The following SLC44A5 variants were observed in gnomAD, a reference collection of about 807,000 sequenced individuals.
SLC44A5 encodes solute carrier family 44 member 5, also known as choline transporter-like protein 5.
Under a neutral mutation model 101.8 loss-of-function variants are expected in SLC44A5, and 57 were observed. The ratio of observed to expected loss-of-function variants is 0.56; its 90% CI spans 0.45 to 0.70. The LOEUF (loss-of-function observed/expected upper bound fraction) is 0.70. Ranked by LOEUF, SLC44A5 falls within the 30% of genes least tolerant of loss-of-function variation. The pLI, the probability that SLC44A5 is intolerant of heterozygous loss-of-function variation, is 0.00. For missense variants in SLC44A5, 737 were observed against 853.1 expected (o/e 0.86, Z 1.70); for synonymous variants, 281 against 290.9 (o/e 0.97, Z 0.35).
chr1:75,678,800 G>A, the SLC44A5 span, among the ~76,000 whole-genome samples: 7 of 152,214 alleles, frequency 4.6e-5, no homozygotes, highest in South Asian at 8.3e-4. Context: ...GGCTTCAGAC[G>A]ATCAAATTAC....
the SLC44A5 span, among the ~76,000 whole-genome samples, chr1:75,683,332 A>C: frequency 3.0e-4 from 46 of 152,330 alleles, no homozygotes; most frequent in East Asian, 5.8e-3. Flanking sequence ...CATTATTCAC[A>C]ATAGCAAAGA....
intron 3 of SLC44A5, among the ~76,000 whole-genome samples, chr1:75,393,076 C>T (rs1177530539): frequency 1.3e-5 from 2 of 152,118 alleles, no homozygotes; most frequent in Admixed American, 1.3e-4. Context: ...GTGACAGATT[C>T]TACCTCAATA....
intron 2 of SLC44A5, among the ~76,000 whole-genome samples, chr1:75,406,578 A>T (rs1268064197): frequency 6.6e-6 from 1 of 152,188 alleles, no homozygotes; most frequent in African/African-American, 2.4e-5. Context: ...AATAAACATA[A>T]ACCATCACAT....
intron 1 of SLC44A5, among the ~76,000 whole-genome samples, chr1:75,566,185 A>G (rs1457446567): frequency 6.6e-6 from 1 of 152,220 alleles, no homozygotes; most frequent in Admixed American, 6.5e-5. Context: ...AGCACAACTC[A>G]TATAAAATTA....
chr1:75,553,167 T>C (rs1672033966), intron 1 of SLC44A5, among the ~76,000 whole-genome samples: 1 of 152,178 alleles, frequency 6.6e-6, no homozygotes, highest in Admixed American at 6.5e-5. Context: ...AATACAATTA[T>C]GTATATTTTC....
intron 7 of SLC44A5, among the ~76,000 whole-genome samples, chr1:75,249,961 T>C (rs982071791): frequency 6.6e-6 from 1 of 152,190 alleles, no homozygotes; most frequent in African/African-American, 2.4e-5. Context: ...GGGTGTGACC[T>C]ATCTTTTTTG....
intron 11 of SLC44A5, among the ~76,000 whole-genome samples, chr1:75,234,662 T>C (rs611309): frequency 0.28 from 42,874 of 151,900 alleles, 6,364 homozygotes; most frequent in Middle Eastern, 0.36. Flanking sequence ...TGATGCCTTA[T>C]GTCATCCAGA....
rs1464067156 is a variant in SLC44A5 at position 75,203,288 on chromosome 1, A to G, written c.*439T>C. The G allele has an allele frequency of 2.6e-5, 4 of 152,468 alleles. No individual in the cohort carries two copies. Among genetic ancestry groups the G allele is most frequent in the African/African-American group, 9.6e-5 (4 of 41,456 alleles). The allele number at this position is 152,468 out of a possible 1,614,324, so 9.4% of individuals were successfully genotyped here. A position where few individuals can be genotyped will look rare whatever the true frequency, so the allele number is the denominator to read the frequency against. On this transcript the variant is annotated 3_prime_UTR_variant, in exon 24 of 24. Coordinates refer to ENST00000370859, the MANE Select transcript of SLC44A5 (RefSeq NM_001130058.2). ...CCTTTCACTGATTTACTGTCCAACG[A>G]GAGTGGGAAAAACTTTAAAATTTTT...
At chr1:75,213,605 G>A (rs1646901791) in intron 22 of SLC44A5, 100 bp downstream of exon 22, 3 of 886,566 alleles carry the variant, frequency 3.4e-6, no homozygotes, top group Non-Finnish European at 5.4e-6. Flanking sequence ...GGACTTCCCA[G>A]CCTTCAGAAC....
chr1:75,475,263 A>G (rs1667319727), intron 2 of SLC44A5, among the ~76,000 whole-genome samples: 1 of 152,234 alleles, frequency 6.6e-6, no homozygotes, highest in Non-Finnish European at 1.5e-5. Flanking sequence ...GAAACCTTGT[A>G]AAAGACAAAT....
chr1:75,678,278 C>A, the SLC44A5 span, among the ~76,000 whole-genome samples: 3 of 152,178 alleles, frequency 2.0e-5, no homozygotes, highest in Non-Finnish European at 4.4e-5. Context: ...AGGAGGCCTG[C>A]CTGCCTCTGT....
intron 2 of SLC44A5, among the ~76,000 whole-genome samples, chr1:75,517,396 A>T (rs1361759523): frequency 6.6e-6 from 1 of 152,094 alleles, no homozygotes; most frequent in African/African-American, 2.4e-5. Flanking sequence ...CACTGAATTT[A>T]AAAAAAGACC....
the SLC44A5 span, chr1:75,641,298 G>A: frequency 1.5e-6 from 1 of 648,312 alleles, no homozygotes; most frequent in South Asian, 1.7e-5. Flanking sequence ...GAGTCCATAG[G>A]CTTCAGACTG....
At chr1:75,631,801 C>T in the SLC44A5 span, among the ~76,000 whole-genome samples, 2 of 151,358 alleles carry the variant, frequency 1.3e-5, no homozygotes, top group East Asian at 3.9e-4. Flanking sequence ...CCCCCCAAAG[C>T]GCTGGGATTA....
chr1:75,716,258 T>G, the SLC44A5 span, among the ~76,000 whole-genome samples: 19 of 152,166 alleles, frequency 1.2e-4, no homozygotes, highest in Non-Finnish European at 2.2e-4. Flanking sequence ...GGTGGAGGAT[T>G]GCTTGAGTCC....
At chr1:75,588,722 T>C (rs553864048) in intron 1 of SLC44A5, among the ~76,000 whole-genome samples, 3 of 141,948 alleles carry the variant, frequency 2.1e-5, no homozygotes, top group African/African-American at 5.3e-5. Flanking sequence ...CTGGTTCCTA[T>C]ACTTACTTCA....
intron 12 of SLC44A5, among the ~76,000 whole-genome samples, chr1:75,231,403 C>G (rs182722529): frequency 6.6e-6 from 1 of 152,114 alleles, no homozygotes; most frequent in Non-Finnish European, 1.5e-5. Context: ...TTTAATGTCA[C>G]GATTTCATAG....
chr1:75,497,726 T>C (rs1668749297), intron 2 of SLC44A5, among the ~76,000 whole-genome samples: 2 of 152,170 alleles, frequency 1.3e-5, no homozygotes, highest in African/African-American at 4.8e-5. Flanking sequence ...CTTTTGTATA[T>C]GTATATCAAA....
chr1:75,438,449 T>A (rs1412876398), intron 2 of SLC44A5, among the ~76,000 whole-genome samples: 2 of 152,072 alleles, frequency 1.3e-5, no homozygotes, highest in Admixed American at 6.6e-5. Context: ...AGCATCTCTA[T>A]AACCACCACC....
Sources: allele counts gnomAD v4.1 joint callset (sites outside exome capture counted in the v4.1 genomes callset), GRCh38; gene constraint gnomAD v4.1.1; transcripts MANE v1.5; gene names NCBI Gene and HGNC (gene_info 2026-07-23, HGNC 2026-07-21).